Variants in STK32A observed in about 807,000 individuals in gnomAD.
STK32A encodes serine/threonine-protein kinase 32A.
A neutral mutation model predicts 53.2 loss-of-function variants in STK32A; 41 were observed. The ratio of observed to expected loss-of-function variants is 0.77; its 90% CI spans 0.60 to 1.00. The LOEUF (loss-of-function observed/expected upper bound fraction) is 1.00. Ranked by LOEUF, STK32A falls within the 50% of genes least tolerant of loss-of-function variation. The pLI is 0.00. For synonymous variants in STK32A, 166 were observed against 162.8 expected (o/e 1.02, Z -0.15); for missense variants, 458 against 485.8 (o/e 0.94, Z 0.54).
chr5:147,345,952 C>CA (rs2151990627), intron 6 of STK32A, among the ~76,000 whole-genome samples: 1 of 152,026 alleles, frequency 6.6e-6, no homozygotes, highest in East Asian at 1.9e-4. Context: ...AGTGAGCAAA[C>CA]AAAAAAGACT....
intron 6 of STK32A, among the ~76,000 whole-genome samples, chr5:147,347,566 G>A (rs989944138): frequency 6.6e-6 from 1 of 152,154 alleles, no homozygotes; most frequent in Admixed American, 6.5e-5. Flanking sequence ...CATGCATCCT[G>A]CAATGCACAG....
At chr5:147,319,138 A>G (rs1407641772) in intron 4 of STK32A, among the ~76,000 whole-genome samples, 1 of 116,380 alleles carries the variant, frequency 8.6e-6, no homozygotes, top group Non-Finnish European at 1.8e-5. Flanking sequence ...CACAACTGGT[A>G]CTTTTTTTTT....
chr5:147,316,907 A>G lies in STK32A; in HGVS notation c.261-6991A>G, dbSNP rs1050215125. Among the ~76,000 whole-genome samples, 28 of 150,574 alleles carry G rather than the reference A, an allele frequency of 1.9e-4. 1 individual carries two copies. The highest frequency in any genetic ancestry group is 1.3e-4 in the Non-Finnish European group (9 of 67,774). On this transcript the variant is annotated intron_variant, in intron 4 of 12. Coordinates refer to ENST00000397936, the MANE Select transcript of STK32A (RefSeq NM_001112724.2). ...AGGAAGACTTAAACATACCTTTCCTATATGAACTGTGCCTCGGAGTAACTA... is the reference window on the plus strand; with the variant it reads ...AGGAAGACTTAAACATACCTTTCCTGTATGAACTGTGCCTCGGAGTAACTA...
chr5:147,340,668 G>A (rs1010435909), intron 5 of STK32A, among the ~76,000 whole-genome samples: 6 of 152,100 alleles, frequency 3.9e-5, no homozygotes, highest in Admixed American at 6.5e-5. Flanking sequence ...TCTAAGCTTA[G>A]ATAACTTATT....
chr5:147,395,757 T>C, the STK32A span: 4 of 1,610,668 alleles, frequency 2.5e-6, no homozygotes, highest in Admixed American at 3.3e-5. Context: ...CATTCATTCA[T>C]TCAGCATTTT....
intron 4 of STK32A, among the ~76,000 whole-genome samples, chr5:147,298,096 T>C (rs748056135): frequency 2.6e-5 from 4 of 152,188 alleles, no homozygotes; most frequent in Non-Finnish European, 5.9e-5. Context: ...GTAGTATCAT[T>C]CTTGTTCTGT....
chr5:147,395,704 G>A, the STK32A span: 13 of 1,613,870 alleles, frequency 8.1e-6, no homozygotes, highest in Middle Eastern at 1.7e-4. Context: ...CCCTTGGGAC[G>A]GCATGCAGGT....
intron 2 of STK32A, among the ~76,000 whole-genome samples, chr5:147,260,295 G>GTCTCTCTCTCTCTCTCTCTC (rs71001423): frequency 1.7e-5 from 2 of 117,318 alleles, no homozygotes; most frequent in African/African-American, 6.5e-5. Flanking sequence ...TCTCTCGCCT[G>GTCTCTCTCTCTCTCTCTCTC]TCTCTCTCTC....
At chr5:147,260,426 G>A (rs575878902) in intron 2 of STK32A, among the ~76,000 whole-genome samples, 1 of 151,958 alleles carries the variant, frequency 6.6e-6, no homozygotes, top group East Asian at 1.9e-4. Context: ...CTAAGGGAGC[G>A]ACCGGTGGGA....
chr5:147,357,523 T>C (rs146033073), intron 7 of STK32A, among the ~76,000 whole-genome samples: 2,395 of 152,212 alleles, frequency 0.016, 72 homozygotes, highest in African/African-American at 0.055. Context: ...GGTATCATAT[T>C]TGTTGTACAT....
chr5:147,325,286 T>C (rs1038101446), intron 5 of STK32A, among the ~76,000 whole-genome samples: 4 of 151,780 alleles, frequency 2.6e-5, no homozygotes, highest in South Asian at 2.1e-4. Context: ...CCAGTTGACA[T>C]TGACCTGTAA....
chr5:147,383,182 A>T (rs1757520164), intron 11 of STK32A: 3 of 468,676 alleles, frequency 6.4e-6, no homozygotes, highest in Non-Finnish European at 1.1e-5. Flanking sequence ...CTTTCAATAG[A>T]CTCCAGAGTT....
intron 11 of STK32A, among the ~76,000 whole-genome samples, chr5:147,377,216 G>T (rs1482293721): frequency 6.6e-6 from 1 of 151,784 alleles, no homozygotes; most frequent in African/African-American, 2.4e-5. Flanking sequence ...AGAGTTTGTT[G>T]TTTAATTTCC....
the STK32A span, among the ~76,000 whole-genome samples, chr5:147,397,474 T>C: frequency 6.6e-6 from 1 of 152,216 alleles, no homozygotes. Flanking sequence ...AAAAGCTCTC[T>C]TTGAACAAAA....
chr5:147,371,137 T>C (rs1435090302), intron 9 of STK32A, among the ~76,000 whole-genome samples: 1 of 152,156 alleles, frequency 6.6e-6, no homozygotes, highest in Non-Finnish European at 1.5e-5. Flanking sequence ...ATATTTTAAG[T>C]ATTAAAATAT....
At chr5:147,239,201 TAAC>T (rs1268250926) in intron 1 of STK32A, among the ~76,000 whole-genome samples, 1 of 152,218 alleles carries the variant, frequency 6.6e-6, no homozygotes, top group African/African-American at 2.4e-5. Context: ...GATTACCCAG[TAAC>T]AACAAGACAG....
At chr5:147,255,450 C>T (rs191771243) in intron 2 of STK32A, among the ~76,000 whole-genome samples, 6 of 152,106 alleles carry the variant, frequency 3.9e-5, no homozygotes, top group African/African-American at 1.2e-4. Flanking sequence ...ATTACGGCTG[C>T]GAGGGAAGTA....
At chr5:147,400,791 G>A in the STK32A span, 3 of 1,614,186 alleles carry the variant, frequency 1.9e-6, no homozygotes, top group Middle Eastern at 1.6e-4. Flanking sequence ...TCTGGGCAGT[G>A]CTGAAGGTGC....
chr5:147,310,099 C>T (rs1300664371), intron 4 of STK32A, among the ~76,000 whole-genome samples: 2 of 152,110 alleles, frequency 1.3e-5, no homozygotes, highest in East Asian at 3.9e-4. Context: ...ACCATTATGT[C>T]GTATTATTCC....
Sources: gnomAD v4.1 joint callset for allele counts (sites outside exome capture counted in the v4.1 genomes callset) on GRCh38, gnomAD v4.1.1 for gene constraint, MANE v1.5 for transcripts, NCBI Gene and HGNC (gene_info 2026-07-23, HGNC 2026-07-21) for gene names.